SLC17A5: variants seen among roughly 807,000 people sequenced by gnomAD.
SLC17A5 encodes sialin.
Under a neutral mutation model 59.4 loss-of-function variants are expected in SLC17A5, and 47 were observed. The ratio of observed to expected loss-of-function variants is 0.79; its 90% CI spans 0.63 to 1.01. The LOEUF is 1.01. Among genes scored for constraint, SLC17A5 ranks in the 50% least tolerant of loss-of-function variants. The pLI, the probability that SLC17A5 is intolerant of heterozygous loss-of-function variation, is 0.00. For missense variants in SLC17A5, 522 were observed against 595.5 expected (o/e 0.88, Z 1.28); for synonymous variants, 202 against 210.7 (o/e 0.96, Z 0.36).
chr6:73,624,802 A>G (rs118092047), intron 6 of SLC17A5, among the ~76,000 whole-genome samples: 24,541 of 151,722 alleles, frequency 0.16, 3,027 homozygotes, highest in African/African-American at 0.34. Flanking sequence ...GAACTCAGGG[A>G]GCGGAGGTTG....
At chr6:73,625,336 G>A (rs990382499) in intron 6 of SLC17A5, among the ~76,000 whole-genome samples, 12 of 150,942 alleles carry the variant, frequency 8.0e-5, no homozygotes, top group South Asian at 2.1e-4. Flanking sequence ...ATAGGCACCC[G>A]CCACCACCCC....
chr6:73,607,666 C>G (rs1006173196), intron 9 of SLC17A5, among the ~76,000 whole-genome samples: 1 of 152,152 alleles, frequency 6.6e-6, no homozygotes, highest in African/African-American at 2.4e-5. Context: ...TCTAATAAGA[C>G]TTCAGGAACC....
rs531047766 is a variant in SLC17A5 at position 73,596,772 on chromosome 6, C to T, written c.1351-1558G>A. Reference sequence around the variant, plus strand: ...TCGGGAGGCTGAGGCAGGAGAATGGCGTGAACCTGGGAGGTGGAGCTTGCA... The same window carrying T: ...TCGGGAGGCTGAGGCAGGAGAATGGTGTGAACCTGGGAGGTGGAGCTTGCA... On this transcript the variant is annotated intron_variant, in intron 10 of 10. Transcript: ENST00000355773. Among the ~76,000 whole-genome samples the T allele has an allele frequency of 1.3e-4, 19 of 151,910 alleles. No individual in the cohort carries two copies. In the Middle Eastern group the frequency reaches 0.017, roughly 136 times the overall value.
chr6:73,644,624 A>C (rs764227563), intron 1 of SLC17A5, 21 bp from the exon 2 acceptor site: 36 of 1,601,922 alleles, frequency 2.2e-5, no homozygotes, highest in Non-Finnish European at 2.7e-5. Flanking sequence ...GATTGGGGAA[A>C]ATTTTTATTT....
At chr6:73,650,643 C>T (rs189593047) in intron 1 of SLC17A5, among the ~76,000 whole-genome samples, 24 of 150,274 alleles carry the variant, frequency 1.6e-4, no homozygotes, top group Admixed American at 8.6e-4. Context: ...TGCAGTAAGA[C>T]CTGTTTGAGC....
At chr6:73,635,840 A>C (rs1768967416) in intron 5 of SLC17A5, among the ~76,000 whole-genome samples, 2 of 151,666 alleles carry the variant, frequency 1.3e-5, no homozygotes, top group African/African-American at 2.4e-5. Context: ...TGCTGGGTTC[A>C]AGCAACTCTA....
chr6:73,605,074 G>GGCC (rs34121824), intron 9 of SLC17A5, among the ~76,000 whole-genome samples: 16,300 of 151,886 alleles, frequency 0.11, 1,041 homozygotes, highest in Middle Eastern at 0.18. Context: ...TGAACTGCTG[G>GGCC]GCCCAAACGA....
chr6:73,623,749 T>C (rs1768272202), intron 6 of SLC17A5, among the ~76,000 whole-genome samples: 1 of 150,872 alleles, frequency 6.6e-6, no homozygotes, highest in Admixed American at 6.6e-5. Context: ...TCAGGCTGGA[T>C]TGCAGTGGCG....
chr6:73,637,037 G>A (rs1417567536), intron 4 of SLC17A5, among the ~76,000 whole-genome samples: 2 of 151,076 alleles, frequency 1.3e-5, no homozygotes, highest in Middle Eastern at 3.2e-3. Flanking sequence ...AGTGAGGGGC[G>A]ATTGTGCCAC....
chr6:73,612,628 G>A (rs1282836807), intron 8 of SLC17A5, among the ~76,000 whole-genome samples: 2 of 152,186 alleles, frequency 1.3e-5, no homozygotes, highest in Admixed American at 6.5e-5. Flanking sequence ...AGGTTGGAGT[G>A]CAGTGTTGTG....
At chr6:73,637,967 T>C (rs1769098862) in intron 4 of SLC17A5, among the ~76,000 whole-genome samples, 1 of 151,728 alleles carries the variant, frequency 6.6e-6, no homozygotes, top group Admixed American at 6.6e-5. Context: ...AAGAGAGGGG[T>C]TGAGAATCAT....
At chr6:73,629,262 C>T (rs905991653) in intron 6 of SLC17A5, among the ~76,000 whole-genome samples, 2 of 152,060 alleles carry the variant, frequency 1.3e-5, no homozygotes, top group Non-Finnish European at 2.9e-5. Context: ...GTGGTACACA[C>T]CTGTCGTCCC....
intron 8 of SLC17A5, among the ~76,000 whole-genome samples, chr6:73,612,390 G>A (rs1323356177): frequency 6.6e-6 from 1 of 151,990 alleles, no homozygotes; most frequent in Non-Finnish European, 1.5e-5. Context: ...CTGACCTCAA[G>A]TATCTGCCTG....
At chr6:73,635,019 A>G (rs1415688279) in intron 6 of SLC17A5, among the ~76,000 whole-genome samples, 1 of 148,432 alleles carries the variant, frequency 6.7e-6, no homozygotes, top group East Asian at 2.0e-4. Context: ...AGTTTATAAA[A>G]CTATACTTTC....
At chr6:73,622,118 C>A (rs1457294521) in intron 6 of SLC17A5, among the ~76,000 whole-genome samples, 156 bp from the exon 7 acceptor site, 2 of 151,984 alleles carry the variant, frequency 1.3e-5, no homozygotes, top group African/African-American at 4.8e-5. Context: ...TATTAAATAG[C>A]AAAATACATG....
At chr6:73,624,318 T>C (rs977535360) in intron 6 of SLC17A5, among the ~76,000 whole-genome samples, 1 of 151,986 alleles carries the variant, frequency 6.6e-6, no homozygotes, top group African/African-American at 2.4e-5. Context: ...GCATGAGAAT[T>C]GCTTGAACCC....
At chr6:73,618,602 A>G in intron 7 of SLC17A5, 1 of 478,400 alleles carries the variant, frequency 2.1e-6, no homozygotes, top group East Asian at 5.1e-5. Flanking sequence ...CACTAAGAGC[A>G]CTCTGAATCA....
At chr6:73,615,030 C>T (rs768018141) in intron 8 of SLC17A5, among the ~76,000 whole-genome samples, 2 of 152,044 alleles carry the variant, frequency 1.3e-5, no homozygotes, top group Non-Finnish European at 2.9e-5. Flanking sequence ...AGTAGGGGGG[C>T]GATCTTGTGG....
chr6:73,615,404 C>T lies in SLC17A5; in HGVS notation c.1022G>A (p.Cys341Tyr), dbSNP rs370998006. Residue 341 changes from cysteine to tyrosine, a missense_variant, in exon 8 of 11, where the codon TGT becomes TAT. This residue lies in a region of SLC17A5 where 31 missense variants were observed against 63.2 expected (regional missense o/e 0.49). Transcript: ENST00000355773. ...AGCAGCTTGACCAGACAGGATCATA[C>T]ATAACCAAGAGCCTAAATAAGGCAA... ...SSLPYLGSWL[C>Y]MILSGQAADN... is the part of the protein sequence containing the mutation. 3.7e-6 allele frequency: 6 copies of T among 1,613,696 alleles called. No homozygotes were observed. Among genetic ancestry groups the T allele is most frequent in the Non-Finnish European group, 5.1e-6 (6 of 1,179,914 alleles).
Sources: allele counts gnomAD v4.1 joint callset (sites outside exome capture counted in the v4.1 genomes callset), GRCh38; gene constraint gnomAD v4.1.1; regional missense constraint gnomAD v4.1.1; transcripts MANE v1.5; gene names NCBI Gene and HGNC (gene_info 2026-07-23, HGNC 2026-07-21).